The following CACNA2D1 variants were observed in gnomAD, a reference collection of about 807,000 sequenced individuals.
The protein encoded by CACNA2D1 is voltage-dependent calcium channel subunit alpha-2/delta-1.
Under a neutral mutation model 171.5 loss-of-function variants are expected in CACNA2D1, and 53 were observed. That is an observed-to-expected ratio of 0.31 (90% confidence interval 0.25 to 0.39). The LOEUF is 0.39. Ranked by LOEUF, CACNA2D1 falls within the 10% of genes least tolerant of loss-of-function variation. The pLI is 1.00. For missense variants in CACNA2D1, 903 were observed against 1,299.8 expected, an observed-to-expected ratio of 0.69 and a Z score of 4.69; for synonymous variants, 442 against 443.1, an observed-to-expected ratio of 1.00 and a Z score of 0.03.
At chr7:82,343,284 G>C (rs995371026) in intron 2 of CACNA2D1, 3 of 152,144 alleles carry the variant, frequency 2.0e-5, no homozygotes, top group Admixed American at 2.0e-4. Flanking sequence ...AGTCACAATT[G>C]GTGAGCGTTC....
At chr7:82,253,602 G>T (rs1805936232) in intron 3 of CACNA2D1, among the ~76,000 whole-genome samples, 1 of 152,030 alleles carries the variant, frequency 6.6e-6, no homozygotes, top group South Asian at 2.1e-4. Flanking sequence ...TGAGATACCG[G>T]CATACAAAAT....
At chr7:82,319,424 A>G (rs1815534999) in intron 3 of CACNA2D1, among the ~76,000 whole-genome samples, 2 of 152,232 alleles carry the variant, frequency 1.3e-5, no homozygotes, top group African/African-American at 4.8e-5. Context: ...TGATATGTGC[A>G]GTCACTTAAT....
At chr7:82,028,101 T>G (rs1057313889) in intron 12 of CACNA2D1, 1 of 151,850 alleles carries the variant, frequency 6.6e-6, no homozygotes, top group East Asian at 1.9e-4. Context: ...AGTTATTGCC[T>G]GCTTCAAAGC....
chr7:82,174,542 C>A (rs1415030480), intron 3 of CACNA2D1, among the ~76,000 whole-genome samples: 1 of 151,980 alleles, frequency 6.6e-6, no homozygotes, highest in East Asian at 1.9e-4. Context: ...AGACTTGACC[C>A]CAGACTTTCT....
intron 1 of CACNA2D1, among the ~76,000 whole-genome samples, chr7:82,372,292 C>A (rs868137623): frequency 6.6e-6 from 1 of 152,222 alleles, no homozygotes. Flanking sequence ...CATATAAATT[C>A]TGTTCCAAGG....
At chr7:82,075,866 G>C (rs1193235205) in intron 7 of CACNA2D1, among the ~76,000 whole-genome samples, 1 of 152,064 alleles carries the variant, frequency 6.6e-6, no homozygotes, top group East Asian at 1.9e-4. Context: ...CAGAAATTTG[G>C]TAACACAGAA....
intron 3 of CACNA2D1, among the ~76,000 whole-genome samples, chr7:82,204,408 C>T (rs1053674593): frequency 3.3e-5 from 5 of 152,188 alleles, no homozygotes; most frequent in Non-Finnish European, 7.3e-5. Flanking sequence ...ATGACCTTCT[C>T]CAACCAGGTA....
At chr7:82,396,232 C>G (rs751899830) in intron 1 of CACNA2D1, among the ~76,000 whole-genome samples, 1 of 151,922 alleles carries the variant, frequency 6.6e-6, no homozygotes. Context: ...ACCTGTAATC[C>G]CAGCACTTTG....
rs2286765 is a variant in CACNA2D1 at position 81,971,753 on chromosome 7, T to G, written c.2141+24A>C. On this transcript the variant is annotated intron_variant, in intron 26 of 38. Transcript: ENST00000356860. ...AAATTGAAATGCAGAATACATATTTTTATTAATAAGAACAAATACTTACAT... is the reference window on the plus strand; with the variant it reads ...AAATTGAAATGCAGAATACATATTTGTATTAATAAGAACAAATACTTACAT... 1,922 of 1,315,100 alleles carry G rather than the reference T, an allele frequency of 1.5e-3. 12 individuals are homozygous for G. The East Asian group carries it at 0.019, about 13-fold the overall frequency. The allele number at this position is 1,315,100 out of a possible 1,614,324, so 81.5% of individuals were successfully genotyped here. A position where few individuals can be genotyped will look rare whatever the true frequency, so the allele number is the denominator to read the frequency against.
chr7:82,115,232 T>C (rs1415449181), intron 6 of CACNA2D1, among the ~76,000 whole-genome samples: 1 of 152,170 alleles, frequency 6.6e-6, no homozygotes, highest in East Asian at 1.9e-4. Context: ...TTTGTTAACA[T>C]ATCCAACAAA....
Position 81,949,207 on chromosome 7 carries a change from CTGATT to C in CACNA2D1, c.*1180_*1184del, listed in dbSNP as rs1368956285. The C allele has an allele frequency of 1.1e-4, 17 of 152,146 alleles. No individual in the cohort carries two copies. The highest frequency in any genetic ancestry group is 9.8e-4 in the Admixed American group (15 of 15,260). The allele number at this position is 152,146 out of a possible 1,614,324, so 9.4% of individuals were successfully genotyped here. A position where few individuals can be genotyped will look rare whatever the true frequency, so the allele number is the denominator to read the frequency against. ...TTTTCAAAAAATAAATGTGTCAAAT[CTGATT>C]TATGTACTTAAAATATCTGTACATA... On this transcript the variant is annotated 3_prime_UTR_variant, in exon 39 of 39. Coordinates refer to ENST00000356860, the MANE Select transcript of CACNA2D1 (RefSeq NM_000722.4).
intron 12 of CACNA2D1, among the ~76,000 whole-genome samples, chr7:82,015,309 T>C (rs1800317267): frequency 6.6e-6 from 1 of 152,180 alleles, no homozygotes; most frequent in Admixed American, 6.5e-5. Context: ...CATATAATTA[T>C]GTTGTTAGTA....
chr7:82,207,041 C>T (rs753884333), intron 3 of CACNA2D1, among the ~76,000 whole-genome samples: 3 of 152,094 alleles, frequency 2.0e-5, no homozygotes, highest in Non-Finnish European at 2.9e-5. Flanking sequence ...TGTAAATGTT[C>T]GCAACAGGAG....
chr7:82,365,688 C>G (rs976707840), intron 1 of CACNA2D1, among the ~76,000 whole-genome samples: 1 of 152,168 alleles, frequency 6.6e-6, no homozygotes, highest in African/African-American at 2.4e-5. Context: ...CGCTTTTGAG[C>G]CTTTCCATGA....
At chr7:82,399,019 TC>T (rs1432038308) in intron 1 of CACNA2D1, among the ~76,000 whole-genome samples, 1 of 152,110 alleles carries the variant, frequency 6.6e-6, no homozygotes, top group African/African-American at 2.4e-5. Flanking sequence ...CAGAGAACCT[TC>T]TACATTTGAA....
intron 32 of CACNA2D1, among the ~76,000 whole-genome samples, chr7:81,964,656 G>A (rs528776992): frequency 4.6e-5 from 7 of 151,960 alleles, no homozygotes; most frequent in East Asian, 3.9e-4. Flanking sequence ...AAACAGGGCC[G>A]GGGAATGGAG....
intron 3 of CACNA2D1, among the ~76,000 whole-genome samples, chr7:82,262,402 T>C (rs1807240971): frequency 6.6e-6 from 1 of 152,172 alleles, no homozygotes; most frequent in Admixed American, 6.5e-5. Context: ...CTTTTACATA[T>C]GTATAGCACC....
chr7:82,413,070 A>G (rs1031627632), intron 1 of CACNA2D1, among the ~76,000 whole-genome samples: 2 of 152,158 alleles, frequency 1.3e-5, no homozygotes, highest in Non-Finnish European at 2.9e-5. Context: ...AATTAGTCCC[A>G]TATCTATATA....
At chr7:82,147,166 TCA>T (rs1793243502) in intron 4 of CACNA2D1, among the ~76,000 whole-genome samples, 1 of 151,876 alleles carries the variant, frequency 6.6e-6, no homozygotes, top group South Asian at 2.1e-4. Flanking sequence ...TCATAGGAAA[TCA>T]AGGAGAAATT....
Sources: gnomAD v4.1 joint callset for allele counts (sites outside exome capture counted in the v4.1 genomes callset) on GRCh38, gnomAD v4.1.1 for gene constraint, MANE v1.5 for transcripts, NCBI Gene and HGNC (gene_info 2026-07-23, HGNC 2026-07-21) for gene names.